Variants in MTUS2 observed in about 807,000 individuals in gnomAD.
MTUS2 encodes the protein microtubule-associated tumor suppressor candidate 2.
A neutral mutation model predicts 114.1 loss-of-function variants in MTUS2; 40 were observed. The ratio of observed to expected loss-of-function variants is 0.35; its 90% confidence interval spans 0.27 to 0.46. The LOEUF (loss-of-function observed/expected upper bound fraction) is 0.46. Ranked by LOEUF, MTUS2 falls within the 20% of genes least tolerant of loss-of-function variation. The probability of loss-of-function intolerance (pLI) is 1.00; values close to 1 mark genes in which losing one functional copy is unlikely to be tolerated. For missense variants in MTUS2, 1,679 were observed against 1,705.4 expected (o/e 0.98, Z 0.27); for synonymous variants, 688 against 672.0 (o/e 1.02, Z -0.37).
chr13:28,881,177 C>A (rs1400757527), intron 2 of MTUS2, among the ~76,000 whole-genome samples: 1 of 152,102 alleles, frequency 6.6e-6, no homozygotes, highest in Non-Finnish European at 1.5e-5. Flanking sequence ...ATTGTTATGT[C>A]CATGTGTACT....
At chr13:28,837,770 T>C (rs2137974295) in intron 1 of MTUS2, among the ~76,000 whole-genome samples, 1 of 152,344 alleles carries the variant, frequency 6.6e-6, no homozygotes, top group East Asian at 1.9e-4. Flanking sequence ...TTCTTTTTTT[T>C]TCTGTTACAA....
chr13:29,098,480 G>A (rs71433302), intron 4 of MTUS2, among the ~76,000 whole-genome samples: 98,142 of 151,644 alleles, frequency 0.65, 32,845 homozygotes, highest in Non-Finnish European at 0.74. Flanking sequence ...GTGCGTGCAT[G>A]CACACACACA....
chr13:29,324,152 G>A (rs1315844927), intron 6 of MTUS2, among the ~76,000 whole-genome samples: 1 of 152,186 alleles, frequency 6.6e-6, no homozygotes, highest in Non-Finnish European at 1.5e-5. Context: ...ATTAATTAGA[G>A]TCAGACCATG....
chr13:29,227,272 A>AAG (rs1254934296), intron 5 of MTUS2, among the ~76,000 whole-genome samples: 20 of 151,556 alleles, frequency 1.3e-4, no homozygotes, highest in African/African-American at 4.4e-4. Context: ...AAAAAAAAAA[A>AAG]AAAAGAAACT....
chr13:29,468,987 A>G (rs948910681), intron 9 of MTUS2, among the ~76,000 whole-genome samples: 1 of 152,222 alleles, frequency 6.6e-6, no homozygotes, highest in African/African-American at 2.4e-5. Flanking sequence ...GCTTTAACAG[A>G]CAATAGTGGA....
At position 28,990,244 on chromosome 13, in the gene MTUS2, A is replaced by G. The variant is rs185259172; in HGVS notation, c.-242-34213A>G. On this transcript the variant is annotated intron_variant, in intron 2 of 15. Transcript: ENST00000612955. ...TTGTGGAGTGACTCTTTTCTATGCA[A>G]TTAGGGACAGAGTCTATGTGAGAGG... 1.5e-4 allele frequency among the ~76,000 whole-genome samples: 23 copies of G among 152,274 alleles called. No individual in the cohort carries two copies. The East Asian group carries it at 4.1e-3, about 27-fold the overall frequency.
At chr13:29,148,931 A>G (rs1318482409) in intron 5 of MTUS2, among the ~76,000 whole-genome samples, 1 of 152,122 alleles carries the variant, frequency 6.6e-6, no homozygotes, top group Admixed American at 6.5e-5. Context: ...CTAGTCTGTC[A>G]TTGATAAGCA....
rs567544830 is a variant in MTUS2 at position 29,102,765 on chromosome 13, A to G, written c.2644+1795A>G. On this transcript the variant is annotated intron_variant, in intron 5 of 15. Transcript: ENST00000612955. ...CTAAGTACTACTAATCATTATACCT[A>G]TACTTGTTATTAGATGTAATGTCAA... Among the ~76,000 whole-genome samples the G allele has an allele frequency of 1.7e-4, 26 of 152,310 alleles. No individual in the cohort carries two copies. In the South Asian group the frequency reaches 5.2e-3, roughly 30 times the overall value.
chr13:29,105,694 G>C (rs1190075353), intron 5 of MTUS2, among the ~76,000 whole-genome samples: 2 of 150,644 alleles, frequency 1.3e-5, no homozygotes, highest in Non-Finnish European at 3.0e-5. Context: ...CAGATGATAG[G>C]GAAGTAGGGA....
At chr13:29,202,322 A>G (rs1451839240) in intron 5 of MTUS2, among the ~76,000 whole-genome samples, 1 of 152,038 alleles carries the variant, frequency 6.6e-6, no homozygotes, top group Admixed American at 6.5e-5. Flanking sequence ...TGTATGTTTC[A>G]TGAAGTTCAT....
chr13:29,065,747 C>T lies in MTUS2; in HGVS notation c.2446+31622C>T, dbSNP rs776920738. On this transcript the variant is annotated intron_variant, in intron 4 of 15. Coordinates refer to ENST00000612955, the MANE Select transcript of MTUS2 (RefSeq NM_001033602.4). Reference sequence around the variant, plus strand: ...TCAGTCCTGGTGCTCTGAGTCTCACCCCAGATTCTCTATTTATTACTTAAT... The same window carrying T: ...TCAGTCCTGGTGCTCTGAGTCTCACTCCAGATTCTCTATTTATTACTTAAT... 1.4e-3 allele frequency among the ~76,000 whole-genome samples: 220 copies of T among 152,238 alleles called. 1 individual carries two copies. Among genetic ancestry groups the T allele is most frequent in the African/African-American group, 2.6e-3 (108 of 41,536 alleles).
chr13:28,961,875 T>C (rs1329246351), intron 2 of MTUS2, among the ~76,000 whole-genome samples: 1 of 152,080 alleles, frequency 6.6e-6, no homozygotes, highest in African/African-American at 2.4e-5. Flanking sequence ...TTGGTTATTT[T>C]GGTGGTTTGC....
chr13:29,132,746 C>T (rs375661280), intron 5 of MTUS2, among the ~76,000 whole-genome samples: 1 of 152,156 alleles, frequency 6.6e-6, no homozygotes, highest in East Asian at 1.9e-4. Flanking sequence ...TTTTGTTTAT[C>T]CATTTGTGAA....
chr13:29,317,689 C>T lies in MTUS2; in HGVS notation c.2807-6924C>T, dbSNP rs532844946. On this transcript the variant is annotated intron_variant, in intron 6 of 15. Transcript: ENST00000612955. Reference sequence around the variant, plus strand: ...TCCTGACCTCGTGATCCACCCGCCTCGGCCTCCCAAAGTGCTGGGATTACA... The same window carrying T: ...TCCTGACCTCGTGATCCACCCGCCTTGGCCTCCCAAAGTGCTGGGATTACA... Among the ~76,000 whole-genome samples, 98 of 11,460 alleles carry T rather than the reference C, an allele frequency of 8.6e-3. 36 individuals carry two copies. The highest frequency in any genetic ancestry group is 0.012 in the Non-Finnish European group (46 of 3,902). The allele number at this position is 11,460 out of a possible 152,430, so 7.5% of individuals were successfully genotyped here.
chr13:29,186,070 C>A (rs1030661319), intron 5 of MTUS2, among the ~76,000 whole-genome samples: 1 of 152,034 alleles, frequency 6.6e-6, no homozygotes, highest in African/African-American at 2.4e-5. Context: ...AAAACTTAAC[C>A]AGGCACGGTG....
intron 5 of MTUS2, among the ~76,000 whole-genome samples, chr13:29,251,909 A>G (rs554899660): frequency 6.6e-6 from 1 of 152,212 alleles, no homozygotes; most frequent in Non-Finnish European, 1.5e-5. Flanking sequence ...GTCTACAAAT[A>G]TCTATTTGAG....
chr13:29,036,063 G>A (rs1237015978), intron 4 of MTUS2, among the ~76,000 whole-genome samples: 2 of 147,162 alleles, frequency 1.4e-5, no homozygotes, highest in African/African-American at 5.0e-5. Context: ...AGAGTCACTT[G>A]AACCCAAGAG....
intron 2 of MTUS2, among the ~76,000 whole-genome samples, chr13:28,890,755 G>T (rs556416007): frequency 6.6e-6 from 1 of 152,246 alleles, no homozygotes; most frequent in South Asian, 2.1e-4. Context: ...GTATTTTTCT[G>T]TGAGAAGCAT....
chr13:29,024,183 C>T (rs1430566540), intron 2 of MTUS2, among the ~76,000 whole-genome samples: 1 of 152,152 alleles, frequency 6.6e-6, no homozygotes, highest in East Asian at 1.9e-4. Flanking sequence ...CTCCTCCATC[C>T]TTTTAAATCA....
Sources: allele counts gnomAD v4.1 joint callset (sites outside exome capture counted in the v4.1 genomes callset), GRCh38; gene constraint gnomAD v4.1.1; transcripts MANE v1.5; gene names NCBI Gene and HGNC (gene_info 2026-07-23, HGNC 2026-07-21).